The following DLGAP2 variants were observed in gnomAD, a reference collection of about 807,000 sequenced individuals.
DLGAP2 encodes the protein disks large-associated protein 2.
Under a neutral mutation model 100.3 loss-of-function variants are expected in DLGAP2, and 26 were observed. The ratio of observed to expected loss-of-function variants is 0.26; its 90% CI spans 0.19 to 0.36. The LOEUF (loss-of-function observed/expected upper bound fraction) is 0.36. Ranked by LOEUF, DLGAP2 falls within the 10% of genes least tolerant of loss-of-function variation. The probability of loss-of-function intolerance (pLI) is 1.00; values close to 1 mark genes in which losing one functional copy is unlikely to be tolerated. For synonymous variants in DLGAP2, 886 were observed against 630.1 expected (o/e 1.41, Z -6.08); for missense variants, 1,858 against 1,453.2 (o/e 1.28, Z -4.53).
At chr8:1,455,410 C>T (rs748023696) in intron 3 of DLGAP2, among the ~76,000 whole-genome samples, 2 of 152,232 alleles carry the variant, frequency 1.3e-5, no homozygotes, top group African/African-American at 4.8e-5. Flanking sequence ...CAGGGGGACC[C>T]TGGTCTGTCA....
intron 2 of DLGAP2, among the ~76,000 whole-genome samples, chr8:1,205,882 G>A (rs1024505397): frequency 1.3e-5 from 2 of 152,178 alleles, no homozygotes; most frequent in African/African-American, 4.8e-5. Context: ...GCCAAGTGCA[G>A]TGGCACCTGT....
At chr8:1,312,510 C>G (rs7835488) in intron 3 of DLGAP2, among the ~76,000 whole-genome samples, 3 of 151,936 alleles carry the variant, frequency 2.0e-5, no homozygotes, top group African/African-American at 7.3e-5. Context: ...GAGACAAGAA[C>G]AGATTCAGGG....
chr8:1,077,838 T>C (rs564205740), intron 2 of DLGAP2, among the ~76,000 whole-genome samples: 1 of 152,196 alleles, frequency 6.6e-6, no homozygotes, highest in Non-Finnish European at 1.5e-5. Flanking sequence ...TTCATAGCTC[T>C]TCTGGGTGAC....
chr8:960,226 C>A (rs115595719), intron 2 of DLGAP2, among the ~76,000 whole-genome samples: 1,637 of 50,712 alleles, frequency 0.032, 47 homozygotes, highest in African/African-American at 0.12. Flanking sequence ...GCAATTATTC[C>A]TGAAGTATAT....
At chr8:1,442,059 C>G (rs1797849020) in intron 3 of DLGAP2, among the ~76,000 whole-genome samples, 1 of 152,188 alleles carries the variant, frequency 6.6e-6, no homozygotes, top group Admixed American at 6.5e-5. Context: ...CCAGAGGGCA[C>G]CTTACTAAAC....
At chr8:748,207 C>T (rs560542164) in intron 1 of DLGAP2, among the ~76,000 whole-genome samples, 9 of 66,052 alleles carry the variant, frequency 1.4e-4, no homozygotes, top group South Asian at 1.2e-3. Context: ...GGGGGCTCTG[C>T]GGTGGGATGA....
At chr8:1,540,684 C>T (rs1301331210) in intron 4 of DLGAP2, among the ~76,000 whole-genome samples, 2 of 152,322 alleles carry the variant, frequency 1.3e-5, no homozygotes, top group South Asian at 2.1e-4. Flanking sequence ...TCTTACCCCA[C>T]GGAGGGGGCA....
At chr8:1,417,003 G>T (rs1463361638) in intron 3 of DLGAP2, among the ~76,000 whole-genome samples, 35 of 147,200 alleles carry the variant, frequency 2.4e-4, no homozygotes, top group African/African-American at 8.3e-4. Flanking sequence ...AGGGCTCAGG[G>T]GTCCCCGTCA....
At chr8:1,571,044 G>A (rs1802645284) in intron 6 of DLGAP2, among the ~76,000 whole-genome samples, 1 of 145,944 alleles carries the variant, frequency 6.9e-6, no homozygotes, top group East Asian at 2.2e-4. Context: ...ATGGAGAGGA[G>A]AGAGGTGAAC....
chr8:1,689,259 C>A (rs1799191271), intron 12 of DLGAP2, among the ~76,000 whole-genome samples: 2 of 152,192 alleles, frequency 1.3e-5, no homozygotes, highest in South Asian at 4.1e-4. Context: ...TCTGGCCCGA[C>A]CCGGACCCCG....
chr8:1,366,091 G>A (rs1054453897), intron 3 of DLGAP2, among the ~76,000 whole-genome samples: 2 of 152,238 alleles, frequency 1.3e-5, no homozygotes, highest in East Asian at 1.9e-4. Context: ...CTGTGCACCC[G>A]AAGGCCAGAC....
At chr8:1,605,334 G>A (rs945947850) in intron 6 of DLGAP2, among the ~76,000 whole-genome samples, 3 of 152,134 alleles carry the variant, frequency 2.0e-5, no homozygotes, top group East Asian at 1.9e-4. Context: ...TCGCACTTCC[G>A]TCGCCACACA....
chr8:1,281,566 C>T (rs765106077), intron 3 of DLGAP2, among the ~76,000 whole-genome samples: 3 of 152,176 alleles, frequency 2.0e-5, no homozygotes, highest in Admixed American at 1.3e-4. Flanking sequence ...AAGACATGAG[C>T]GGAGACCCAG....
intron 2 of DLGAP2, among the ~76,000 whole-genome samples, chr8:1,233,471 G>A (rs148598906): frequency 3.9e-5 from 6 of 152,136 alleles, no homozygotes; most frequent in Non-Finnish European, 7.3e-5. Flanking sequence ...GTTGGCTAAC[G>A]GGGCTAATCG....
rs995681904 is a variant in DLGAP2 at position 1,342,101 on chromosome 8, C to A, written c.106+83218C>A. 1.2e-4 allele frequency among the ~76,000 whole-genome samples: 19 copies of A among 152,002 alleles called. 1 individual carries two copies. Among genetic ancestry groups the A allele is most frequent in the African/African-American group, 4.3e-4 (18 of 41,380 alleles). The stretch of plus-strand genomic sequence containing the variant: ...AGGTAGCTGGGGCAACAGGCAGGTG[C>A]CCCTACCCCCAGCTGATTTTTCTGT... On this transcript the variant is annotated intron_variant, in intron 3 of 14. Transcript: ENST00000637795.
chr8:1,300,146 G>T (rs1256425205), intron 3 of DLGAP2: 3 of 152,218 alleles, frequency 2.0e-5, no homozygotes, highest in African/African-American at 7.2e-5. Context: ...ATATCGATTT[G>T]TCAGGGAAAC....
intron 3 of DLGAP2, among the ~76,000 whole-genome samples, chr8:1,433,097 C>T (rs1356803927): frequency 6.6e-6 from 1 of 152,176 alleles, no homozygotes; most frequent in African/African-American, 2.4e-5. Context: ...CTTGCCGAGC[C>T]ACACGTCCCC....
At chr8:1,497,311 G>C (rs1359423499) in intron 3 of DLGAP2, among the ~76,000 whole-genome samples, 1 of 152,216 alleles carries the variant, frequency 6.6e-6, no homozygotes, top group Non-Finnish European at 1.5e-5. Context: ...GGATGGGATA[G>C]CGTCCAGCCT....
chr8:941,415 C>G (rs1799192624), intron 2 of DLGAP2, among the ~76,000 whole-genome samples: 1 of 152,142 alleles, frequency 6.6e-6, no homozygotes, highest in African/African-American at 2.4e-5. Flanking sequence ...AGCCAAGGGT[C>G]TGTGTTACTC....
Sources: allele counts gnomAD v4.1 joint callset (sites outside exome capture counted in the v4.1 genomes callset), GRCh38; gene constraint gnomAD v4.1.1; transcripts MANE v1.5; gene names NCBI Gene and HGNC (gene_info 2026-07-23, HGNC 2026-07-21).